The following DPYSL2 variants were observed in gnomAD, a reference collection of about 807,000 sequenced individuals.
DPYSL2 encodes the protein dihydropyrimidinase like 2.
DPYSL2 carries 13 observed loss-of-function variants against 69.9 expected under a neutral mutation model. The observed-to-expected ratio is 0.19, with a 90% CI of 0.12 to 0.30. The LOEUF is 0.30. DPYSL2 is among the 10% of genes least tolerant of loss of function. The probability of loss-of-function intolerance (pLI) is 1.00; values close to 1 mark genes in which losing one functional copy is unlikely to be tolerated. For synonymous variants in DPYSL2, 326 were observed against 359.1 expected (o/e 0.91, Z 1.04); for missense variants, 587 against 918.9 (o/e 0.64, Z 4.67).
In DPYSL2 at chr8:26,577,737, G is replaced by A. The variant is rs1801386065; in HGVS notation, c.355-4232G>A. 2.0e-5 allele frequency: 18 copies of A among 910,712 alleles called. No homozygotes were observed. The South Asian group carries it at 2.5e-4, about 13-fold the overall frequency. 56.4% of individuals were successfully genotyped at this position (910,712 alleles called of 1,614,324 possible). A position where few individuals can be genotyped will look rare whatever the true frequency, so the allele number is the denominator to read the frequency against. The stretch of plus-strand genomic sequence containing the variant: ...GCGCGAAAGGCGCGCTCCCAGCGCG[G>A]GCGCTCGCGCCGCCTGCCGCCCCCG... On this transcript the variant is annotated intron_variant, in intron 1 of 13. Transcript: ENST00000521913.
chr8:26,527,831 C>T (rs1321715893), intron 1 of DPYSL2, among the ~76,000 whole-genome samples: 20 of 124,104 alleles, frequency 1.6e-4, no homozygotes, highest in Non-Finnish European at 6.5e-5. Flanking sequence ...TAGATGGAGT[C>T]TTGCTCTGTC....
Position 26,554,777 on chromosome 8 carries a change from C to T in DPYSL2, c.355-27192C>T, listed in dbSNP as rs1700921183. On this transcript the variant is annotated intron_variant, in intron 1 of 13. Transcript: ENST00000521913. ...TACCTCCTAATTCATTCTATGAGGC[C>T]AAAATTACCCTAATACCAAAACCAG... 3.3e-5 allele frequency among the ~76,000 whole-genome samples: 5 copies of T among 151,940 alleles called. No individual in the cohort carries two copies. In the South Asian group the frequency reaches 1.0e-3, roughly 32 times the overall value.
At chr8:26,594,502 A>T (rs1467979216) in intron 3 of DPYSL2, among the ~76,000 whole-genome samples, 2 of 152,126 alleles carry the variant, frequency 1.3e-5, no homozygotes, top group Non-Finnish European at 2.9e-5. Context: ...ATCTATCTAT[A>T]TATTGATATA....
In DPYSL2 at chr8:26,648,193, C is replaced by T. The variant is rs1803212029; in HGVS notation, c.1596+393C>T. Among the ~76,000 whole-genome samples the T allele has an allele frequency of 6.6e-6, 1 of 152,176 alleles. No individual in the cohort carries two copies. The highest frequency in any genetic ancestry group is 6.5e-5 in the Admixed American group (1 of 15,276). On this transcript the variant is annotated intron_variant, in intron 11 of 13. Transcript: ENST00000521913. This position sits in a 1 kb window ranked among gnomAD's most constrained non-coding sequence, Gnocchi z 4.3. ...GAGATGTCCTCTCCTGAGATGCCCA[C>T]TGGGGACTTTGATCCTCTTAAGCCA...
intron 1 of DPYSL2, among the ~76,000 whole-genome samples, chr8:26,574,279 T>G (rs1000534676): frequency 6.6e-6 from 1 of 152,122 alleles, no homozygotes; most frequent in Non-Finnish European, 1.5e-5. Flanking sequence ...AGTGAGAAGT[T>G]TGCTCTGACA....
intron 3 of DPYSL2, among the ~76,000 whole-genome samples, chr8:26,604,741 C>T (rs1488712891): frequency 6.6e-6 from 1 of 151,824 alleles, no homozygotes; most frequent in Non-Finnish European, 1.5e-5. Flanking sequence ...GCAACCTCCA[C>T]CTCTCCTCCT....
At chr8:26,543,715 G>A (rs1466214121) in intron 1 of DPYSL2, among the ~76,000 whole-genome samples, 4 of 152,192 alleles carry the variant, frequency 2.6e-5, no homozygotes, top group Non-Finnish European at 5.9e-5. Context: ...TCGAACTACC[G>A]ACTTCAGGTG....
In DPYSL2 at chr8:26,644,166, A is replaced by G; in HGVS notation, c.1425+75A>G. Reference sequence around the variant, plus strand: ...TCCTCATCTGGGGGCCATGGGGCTCATGGAGGCCTTGAAATGACAGACAGT... The same window carrying G: ...TCCTCATCTGGGGGCCATGGGGCTCGTGGAGGCCTTGAAATGACAGACAGT... On this transcript the variant is annotated intron_variant, in intron 10 of 13. Coordinates refer to ENST00000521913, the MANE Select transcript of DPYSL2 (RefSeq NM_001197293.3). This position sits in a 1 kb window ranked among gnomAD's most constrained non-coding sequence, Gnocchi z 4.5. 1.3e-6 allele frequency: 2 copies of G among 1,541,018 alleles called. No homozygotes were observed. The highest frequency in any genetic ancestry group is 2.3e-5 in the East Asian group (1 of 43,252).
chr8:26,545,569 C>A (rs1800753627), intron 1 of DPYSL2, among the ~76,000 whole-genome samples: 1 of 152,132 alleles, frequency 6.6e-6, no homozygotes, highest in Admixed American at 6.6e-5. Flanking sequence ...AGTTCAAGAT[C>A]ATCCTGGCCA....
chr8:26,652,300 C>A lies in DPYSL2; in HGVS notation c.1640C>A (p.Ser547Tyr). The part of the protein sequence containing the change: ...NIFEGMECRG[S>Y]PLVVISQGKI... ...TTTGAAGGCATGGAGTGCCGCGGCTCCCCACTGGTGGTCATCAGCCAGGGG... is the reference window on the plus strand; with the variant it reads ...TTTGAAGGCATGGAGTGCCGCGGCTACCCACTGGTGGTCATCAGCCAGGGG... Residue 547 changes from serine (S) to tyrosine (Y), a missense_variant, in exon 12 of 14, where the codon TCC (serine) becomes TAC (tyrosine). Physicochemically the swap from Ser to Tyr is moderately radical, Grantham distance 144 (BLOSUM62 -2). Coordinates refer to ENST00000521913, the MANE Select transcript of DPYSL2 (RefSeq NM_001197293.3). The surrounding 1 kb of genome is among the most constrained non-coding windows in gnomAD (Gnocchi z 6.3). 1 of 1,614,114 alleles carries A rather than the reference C, an allele frequency of 6.2e-7. No homozygotes were observed. Among genetic ancestry groups the A allele is most frequent in the Non-Finnish European group, 8.5e-7 (1 of 1,180,002 alleles).
chr8:26,646,942 T>C (rs1486250062), intron 10 of DPYSL2, among the ~76,000 whole-genome samples: 1 of 151,758 alleles, frequency 6.6e-6, no homozygotes, highest in African/African-American at 2.4e-5. Context: ...GTGATCACTC[T>C]ACTGCACTCT....
In DPYSL2 at chr8:26,518,583, C is replaced by T. The variant is rs143485442; in HGVS notation, c.354+3904C>T. On this transcript the variant is annotated intron_variant, in intron 1 of 13. Transcript: ENST00000521913. ...CATCCCCCAAAGCTGAAGTTCTGTA[C>T]CCATTAAACACCAACTTCTCATTCC... Among the ~76,000 whole-genome samples the T allele has an allele frequency of 1.7e-3, 254 of 152,266 alleles. 3 individuals are homozygous for T. The highest frequency in any genetic ancestry group is 5.9e-3 in the African/African-American group (244 of 41,556).
intron 1 of DPYSL2, chr8:26,577,400 G>C (rs1801374930): frequency 6.4e-6 from 1 of 156,694 alleles, no homozygotes; most frequent in African/African-American, 2.4e-5. Context: ...CGGGGGAGGA[G>C]GGCCCGGGAG....
chr8:26,523,342 A>G (rs1038035162), intron 1 of DPYSL2, among the ~76,000 whole-genome samples: 2 of 152,176 alleles, frequency 1.3e-5, no homozygotes, highest in African/African-American at 4.8e-5. Flanking sequence ...CATAAAATTT[A>G]CTGTCTTAAC....
chr8:26,529,728 ATT>A (rs71216757), intron 1 of DPYSL2, among the ~76,000 whole-genome samples: 18,746 of 135,454 alleles, frequency 0.14, 1,470 homozygotes, highest in Middle Eastern at 0.28. Context: ...TTTAACCGTA[ATT>A]TTTTTTTTTT....
At chr8:26,559,442 TTTGGTTAATAC>T (rs1801039851) in intron 1 of DPYSL2, among the ~76,000 whole-genome samples, 1 of 152,258 alleles carries the variant, frequency 6.6e-6, no homozygotes. Context: ...TGCTTCACAC[TTTGGTTAATAC>T]TTAGTACAGT....
chr8:26,577,392 G>C (rs1399495912), intron 1 of DPYSL2: 1 of 158,652 alleles, frequency 6.3e-6, no homozygotes, highest in Non-Finnish European at 1.4e-5. Context: ...AGCAACGGCG[G>C]GGGAGGAGGG....
intron 1 of DPYSL2, among the ~76,000 whole-genome samples, chr8:26,570,623 AC>A (rs1376595907): frequency 1.6e-4 from 25 of 151,696 alleles, no homozygotes; most frequent in Non-Finnish European, 3.5e-4. Flanking sequence ...AATCCCAGCT[AC>A]TTGAGAGGCT....
At position 26,634,879 on chromosome 8, in the gene DPYSL2, A is replaced by G. The variant is rs758968723; in HGVS notation, c.1105A>G (p.Ile369Val). ...GATGAGCAAAAGCTCTGCTGAGGTC[A>G]TCGCCCAGGCACGGAAGAAGGGTGA... Reference protein sequence around the residue: ...KVMSKSSAEVIAQARKKGTVV... With the variant: ...KVMSKSSAEVVAQARKKGTVV... Residue 369 changes from isoleucine to valine, a missense_variant, in exon 8 of 14, where the codon ATC becomes GTC. Physicochemically the swap from Ile to Val is conservative, Grantham distance 29. Transcript: ENST00000521913. 6.2e-7 allele frequency: 1 copy of G among 1,614,250 alleles called. No homozygotes were observed. The highest frequency in any genetic ancestry group is 8.5e-7 in the Non-Finnish European group (1 of 1,180,040).
Sources: gnomAD v4.1 joint callset for allele counts (sites outside exome capture counted in the v4.1 genomes callset) on GRCh38, gnomAD v4.1.1 for gene constraint, Gnocchi (gnomAD v3.1) non-coding constraint, MANE v1.5 for transcripts, NCBI Gene and HGNC (gene_info 2026-07-23, HGNC 2026-07-21) for gene names.